The following NEK10 variants were observed in gnomAD, a reference collection of about 807,000 sequenced individuals.
The protein encoded by NEK10 is serine/threonine-protein kinase Nek10.
In NEK10, 122 loss-of-function variants were observed where a neutral mutation model predicts 159.8. The ratio of observed to expected loss-of-function variants is 0.76; its 90% confidence interval spans 0.66 to 0.89. The LOEUF (loss-of-function observed/expected upper bound fraction) is 0.89. NEK10 is among the 40% of genes least tolerant of loss of function. The pLI is 0.00. For missense variants in NEK10, 1,342 were observed against 1,323.1 expected (o/e 1.01, Z -0.22); for synonymous variants, 466 against 457.1 (o/e 1.02, Z -0.25).
At chr3:27,204,275 C>CTTTTTTTTTTTT (rs1203026508) in intron 23 of NEK10, among the ~76,000 whole-genome samples, 30 of 63,842 alleles carry the variant, frequency 4.7e-4, no homozygotes, top group South Asian at 1.8e-3. Context: ...GATAAATTTT[C>CTTTTTTTTTTTT]TTTTTTTTTT....
chr3:27,132,842 A>G (rs1398692613), intron 31 of NEK10, among the ~76,000 whole-genome samples: 1 of 152,212 alleles, frequency 6.6e-6, no homozygotes, highest in East Asian at 1.9e-4. Context: ...AAGAGGAACC[A>G]GTCAGAAAAA....
chr3:27,221,015 T>C (rs894828594), intron 23 of NEK10, among the ~76,000 whole-genome samples: 5 of 152,108 alleles, frequency 3.3e-5, no homozygotes, highest in African/African-American at 1.2e-4. Flanking sequence ...TATGCAAAAA[T>C]TAATGCTAAA....
At chr3:27,248,937 T>C (rs1428728060) in intron 23 of NEK10, among the ~76,000 whole-genome samples, 1 of 152,182 alleles carries the variant, frequency 6.6e-6, no homozygotes, top group Non-Finnish European at 1.5e-5. Flanking sequence ...GTCTGTCCAA[T>C]GCTATGGGGT....
At chr3:27,249,386 A>G (rs1955426760) in intron 23 of NEK10, among the ~76,000 whole-genome samples, 1 of 152,144 alleles carries the variant, frequency 6.6e-6, no homozygotes, top group Admixed American at 6.5e-5. Flanking sequence ...TATTTCTTTT[A>G]TATATCTGGG....
At chr3:27,352,575 C>G (rs747516469) in intron 2 of NEK10, 50 bp from the exon 3 acceptor site, 28 of 1,376,046 alleles carry the variant, frequency 2.0e-5, no homozygotes, top group Non-Finnish European at 2.3e-5. Flanking sequence ...TCCAGGTGAA[C>G]AAGATCGTGT....
At chr3:27,278,594 T>C in intron 22 of NEK10, 1 of 612,434 alleles carries the variant, frequency 1.6e-6, no homozygotes, top group Non-Finnish European at 2.0e-6. Flanking sequence ...AGCCTGTTTG[T>C]TTGCAAGATG....
intron 23 of NEK10, among the ~76,000 whole-genome samples, chr3:27,251,716 T>G (rs1006348839): frequency 4.6e-5 from 7 of 152,226 alleles, no homozygotes; most frequent in Admixed American, 2.0e-4. Flanking sequence ...CACATCTCTT[T>G]TTTGAAATTT....
rs1227459912 is a variant in NEK10 at position 27,109,096 on chromosome 3, T to C, written c.*2176A>G. ...TATCACCTAAAAGAGTTACATGCAA[T>C]GGCTGGGCACAGTGGCTCACGCCTC... is the stretch of plus-strand genomic sequence containing the variant. On this transcript the variant is annotated 3_prime_UTR_variant, in exon 36 of 36. Coordinates refer to ENST00000691995, the MANE Select transcript of NEK10 (RefSeq NM_001394966.1). Among the ~76,000 whole-genome samples the C allele has an allele frequency of 6.6e-6, 1 of 152,164 alleles. No homozygotes were observed. The highest frequency in any genetic ancestry group is 1.5e-5 in the Non-Finnish European group (1 of 68,018).
In NEK10 at chr3:27,202,550, C is replaced by T. The variant is rs751407577; in HGVS notation, c.2098G>A (p.Val700Ile). ...TCCCCATACGGCTCACTCTTCAGTA[C>T]CTCGGGGCTGAAGTAAAATAAGGAC... ...VGTILYSCPE[V>I]LKSEPYGEKA... is the part of the protein sequence containing the mutation. Residue 700 changes from valine to isoleucine, a missense_variant, in exon 24 of 36, where the codon GTA (valine) becomes ATA (isoleucine). Transcript: ENST00000691995. 5.0e-6 allele frequency: 8 copies of T among 1,603,536 alleles called. No homozygotes were observed. Among genetic ancestry groups the T allele is most frequent in the South Asian group, 2.2e-5 (2 of 89,222 alleles).
intron 23 of NEK10, among the ~76,000 whole-genome samples, chr3:27,242,808 T>C (rs1954699668): frequency 1.3e-5 from 2 of 152,210 alleles, no homozygotes; most frequent in African/African-American, 4.8e-5. Context: ...CCTGGAACCC[T>C]AGAGTACTAA....
At chr3:27,183,233 T>G (rs1948299964) in intron 26 of NEK10, among the ~76,000 whole-genome samples, 1 of 151,452 alleles carries the variant, frequency 6.6e-6, no homozygotes, top group African/African-American at 2.4e-5. Context: ...ATTAAAACTT[T>G]AAAATTTAAA....
Position 27,111,124 on chromosome 3 carries a change from C to T in NEK10, c.*148G>A. The T allele has an allele frequency of 1.6e-6, 1 of 628,348 alleles. No homozygotes were observed. The highest frequency in any genetic ancestry group is 3.0e-5 in the East Asian group (1 of 33,784). 38.9% of individuals were successfully genotyped at this position (628,348 alleles called of 1,614,324 possible). ...TGTCATATACTCCAGCACAGGACCCCCAGAAAGAAGTCCTGCAGGCCCCAT... is the reference window on the plus strand; with the variant it reads ...TGTCATATACTCCAGCACAGGACCCTCAGAAAGAAGTCCTGCAGGCCCCAT... On this transcript the variant is annotated 3_prime_UTR_variant, in exon 36 of 36. Transcript: ENST00000691995.
chr3:27,321,882 C>A (rs536500758), intron 6 of NEK10, among the ~76,000 whole-genome samples: 1 of 152,286 alleles, frequency 6.6e-6, no homozygotes, highest in South Asian at 2.1e-4. Flanking sequence ...GTGTATACCT[C>A]CTTGAATGGT....
chr3:27,258,355 T>A (rs1205640046), intron 22 of NEK10, among the ~76,000 whole-genome samples: 1 of 149,918 alleles, frequency 6.7e-6, no homozygotes, highest in African/African-American at 2.5e-5. Flanking sequence ...TATCTCCAAA[T>A]GCTATCCCTC....
intron 26 of NEK10, among the ~76,000 whole-genome samples, chr3:27,184,802 T>C (rs1948461628): frequency 6.6e-6 from 1 of 152,222 alleles, no homozygotes; most frequent in Admixed American, 6.5e-5. Context: ...AAAAATATTG[T>C]CCTTTAAAAA....
At chr3:27,263,275 T>G (rs1575503190) in intron 22 of NEK10, among the ~76,000 whole-genome samples, 2 of 152,168 alleles carry the variant, frequency 1.3e-5, no homozygotes, top group South Asian at 2.1e-4. Context: ...GGGACCCACT[T>G]GAGGAGACAG....
intron 25 of NEK10, among the ~76,000 whole-genome samples, chr3:27,201,183 T>G (rs1165562354): frequency 6.6e-6 from 1 of 152,240 alleles, no homozygotes; most frequent in Non-Finnish European, 1.5e-5. Context: ...ATTTTTTGCA[T>G]ATTTTTATGA....
intron 30 of NEK10, among the ~76,000 whole-genome samples, chr3:27,146,946 T>C (rs146849505): frequency 3.8e-4 from 58 of 152,188 alleles, no homozygotes; most frequent in African/African-American, 1.2e-3. Context: ...AAGTACAGTA[T>C]GTATACAGCT....
chr3:27,162,250 A>G (rs1337946247), intron 30 of NEK10: 2 of 849,326 alleles, frequency 2.4e-6, no homozygotes, highest in Non-Finnish European at 3.4e-6. Flanking sequence ...TTTGGAAAAA[A>G]CAGCCCATAA....
Sources: allele counts gnomAD v4.1 joint callset (sites outside exome capture counted in the v4.1 genomes callset), GRCh38; gene constraint gnomAD v4.1.1; transcripts MANE v1.5; gene names NCBI Gene and HGNC (gene_info 2026-07-23, HGNC 2026-07-21).